Variants in ATRNL1 observed in about 807,000 individuals in gnomAD.
The protein encoded by ATRNL1 is attractin like 1, also known as attractin-like protein 1.
A neutral mutation model predicts 182.7 loss-of-function variants in ATRNL1; 95 were observed. That is an observed-to-expected ratio of 0.52 (90% CI 0.44 to 0.62). ATRNL1 has a LOEUF of 0.62. Among genes scored for constraint, ATRNL1 ranks in the 20% least tolerant of loss-of-function variants. ATRNL1 has a pLI of 0.00. For synonymous variants in ATRNL1, 576 were observed against 568.3 expected (o/e 1.01, Z -0.19); for missense variants, 1,471 against 1,679.5 (o/e 0.88, Z 2.17).
In ATRNL1 at chr10:115,812,305, T is replaced by G. The variant is rs143337587; in HGVS notation, c.3904-35572T>G. Among the ~76,000 whole-genome samples, 425 of 152,292 alleles carry G rather than the reference T, an allele frequency of 2.8e-3. 1 individual carries two copies. Among genetic ancestry groups the G allele is most frequent in the African/African-American group, 0.01 (416 of 41,562 alleles). On this transcript the variant is annotated intron_variant, in intron 27 of 28. Coordinates refer to ENST00000355044, the MANE Select transcript of ATRNL1 (RefSeq NM_207303.4). ...ATCAGTATGGTTGGGATAAAATCTATTATATTATTATTTGTTTACAAGGTT... is the reference window on the plus strand; with the variant it reads ...ATCAGTATGGTTGGGATAAAATCTAGTATATTATTATTTGTTTACAAGGTT...
chr10:115,527,222 G>A (rs782596885), intron 25 of ATRNL1, among the ~76,000 whole-genome samples: 4 of 150,652 alleles, frequency 2.7e-5, no homozygotes, highest in East Asian at 2.0e-4. Flanking sequence ...AGGCTCAAGC[G>A]ATCCTCCCAC....
At chr10:115,801,843 C>T (rs1231238120) in intron 27 of ATRNL1, among the ~76,000 whole-genome samples, 1 of 152,064 alleles carries the variant, frequency 6.6e-6, no homozygotes, top group African/African-American at 2.4e-5. Context: ...TCAACTTTCA[C>T]AGTTAGCATC....
At chr10:115,299,341 A>T (rs546556985) in intron 15 of ATRNL1, among the ~76,000 whole-genome samples, 2 of 152,162 alleles carry the variant, frequency 1.3e-5, no homozygotes, top group South Asian at 4.1e-4. Flanking sequence ...GAAATATTAC[A>T]GCATTAAGAA....
At chr10:115,196,647 A>G (rs1848373028) in intron 8 of ATRNL1, among the ~76,000 whole-genome samples, 1 of 152,078 alleles carries the variant, frequency 6.6e-6, no homozygotes, top group African/African-American at 2.4e-5. Context: ...AGTTTGCTAA[A>G]TTCCTAAATA....
chr10:115,691,787 T>A (rs1224509958), intron 26 of ATRNL1, among the ~76,000 whole-genome samples: 1 of 152,192 alleles, frequency 6.6e-6, no homozygotes, highest in Non-Finnish European at 1.5e-5. Flanking sequence ...AATTTTGGGT[T>A]TTTTTCTTAT....
intron 10 of ATRNL1, among the ~76,000 whole-genome samples, chr10:115,243,346 T>G (rs1227724187): frequency 6.6e-6 from 1 of 152,126 alleles, no homozygotes; most frequent in African/African-American, 2.4e-5. Context: ...GAATTTTGTT[T>G]CAGAAATAGA....
At chr10:115,166,406 T>G (rs75150812) in intron 7 of ATRNL1, among the ~76,000 whole-genome samples, 3 of 152,040 alleles carry the variant, frequency 2.0e-5, no homozygotes, top group Admixed American at 6.6e-5. Flanking sequence ...CATTTTTTTT[T>G]GGTGTATACC....
intron 25 of ATRNL1, among the ~76,000 whole-genome samples, chr10:115,531,886 A>G (rs1851608781): frequency 6.9e-6 from 1 of 144,914 alleles, no homozygotes; most frequent in African/African-American, 2.4e-5. Context: ...TAAATAGGGA[A>G]TCCTTTCCCC....
At chr10:115,414,554 A>G (rs1394583763) in intron 20 of ATRNL1, among the ~76,000 whole-genome samples, 2 of 152,062 alleles carry the variant, frequency 1.3e-5, no homozygotes, top group African/African-American at 4.8e-5. Flanking sequence ...AACATTAATA[A>G]CCTGAAACTA....
intron 24 of ATRNL1, among the ~76,000 whole-genome samples, chr10:115,476,961 A>G (rs4364976): frequency 0.2 from 29,803 of 151,274 alleles, 3,114 homozygotes; most frequent in South Asian, 0.24. Context: ...ATTTTTTTGT[A>G]TTTTTAGTAC....
At chr10:115,705,070 A>G (rs1428355441) in intron 26 of ATRNL1, among the ~76,000 whole-genome samples, 2 of 151,842 alleles carry the variant, frequency 1.3e-5, no homozygotes, top group Non-Finnish European at 2.9e-5. Context: ...ATTTATGTGT[A>G]CTGAAGACAG....
At chr10:115,535,604 A>C (rs566952380) in intron 25 of ATRNL1, among the ~76,000 whole-genome samples, 1 of 152,230 alleles carries the variant, frequency 6.6e-6, no homozygotes, top group South Asian at 2.1e-4. Context: ...TTCTTCTCTC[A>C]ACTCATCAGA....
chr10:115,544,359 A>T (rs1852526650), intron 25 of ATRNL1, among the ~76,000 whole-genome samples: 1 of 152,262 alleles, frequency 6.6e-6, no homozygotes, highest in East Asian at 1.9e-4. Context: ...AAAATATCTG[A>T]GTCTGGATAA....
chr10:115,146,601 A>G (rs1157589692), intron 5 of ATRNL1, among the ~76,000 whole-genome samples: 1 of 152,004 alleles, frequency 6.6e-6, no homozygotes, highest in African/African-American at 2.4e-5. Context: ...CCATTAGCCA[A>G]TGTCTGTCCT....
At chr10:115,470,059 T>C (rs1565077522) in intron 24 of ATRNL1, among the ~76,000 whole-genome samples, 1 of 150,476 alleles carries the variant, frequency 6.6e-6, no homozygotes. Flanking sequence ...TTCATGGCTT[T>C]TATGTTTTAA....
chr10:115,138,182 GT>G (rs1845602639), intron 5 of ATRNL1, among the ~76,000 whole-genome samples: 2 of 152,328 alleles, frequency 1.3e-5, no homozygotes, highest in Admixed American at 6.5e-5. Flanking sequence ...GCTTTGCAGG[GT>G]TTAGTCCCAC....
chr10:115,369,654 C>T (rs935062381), intron 19 of ATRNL1, among the ~76,000 whole-genome samples: 4 of 152,132 alleles, frequency 2.6e-5, no homozygotes, highest in Non-Finnish European at 5.9e-5. Context: ...CTGCATACTA[C>T]ATTCCATAAT....
At chr10:115,389,556 A>ATGTATATATATATATG (rs1200613311) in intron 19 of ATRNL1, among the ~76,000 whole-genome samples, 1 of 75,284 alleles carries the variant, frequency 1.3e-5, no homozygotes, top group Non-Finnish European at 2.9e-5. Flanking sequence ...ATATATATAT[A>ATGTATATATATATATG]TATATATATA....
intron 27 of ATRNL1, among the ~76,000 whole-genome samples, chr10:115,801,068 A>C (rs1429678466): frequency 6.6e-6 from 1 of 152,170 alleles, no homozygotes; most frequent in Non-Finnish European, 1.5e-5. Context: ...CTTCCTAGTC[A>C]TTGTCTGCAC....
Sources: allele counts gnomAD v4.1 joint callset (sites outside exome capture counted in the v4.1 genomes callset), GRCh38; gene constraint gnomAD v4.1.1; transcripts MANE v1.5; gene names NCBI Gene and HGNC (gene_info 2026-07-23, HGNC 2026-07-21).